The following CSMD2 variants were observed in gnomAD, a reference collection of about 807,000 sequenced individuals.
The protein encoded by CSMD2 is CUB and sushi domain-containing protein 2.
Under a neutral mutation model 398.5 loss-of-function variants are expected in CSMD2, and 130 were observed. The observed-to-expected ratio is 0.33, with a 90% CI of 0.28 to 0.38. The LOEUF (loss-of-function observed/expected upper bound fraction) is 0.38, where lower values mean the gene tolerates loss of function less well. Ranked by LOEUF, CSMD2 falls within the 10% of genes least tolerant of loss-of-function variation. The pLI, the probability that CSMD2 is intolerant of heterozygous loss-of-function variation, is 1.00. For missense variants in CSMD2, 3,829 were observed against 4,764.9 expected (o/e 0.80, Z 5.78); for synonymous variants, 1,828 against 1,908.5 (o/e 0.96, Z 1.10).
intron 1 of CSMD2, among the ~76,000 whole-genome samples, chr1:34,130,042 T>C (rs779800993): frequency 1.3e-5 from 2 of 152,238 alleles, no homozygotes; most frequent in Non-Finnish European, 1.5e-5. Flanking sequence ...AAACATTAAT[T>C]ACCACTCATT....
intron 2 of CSMD2, among the ~76,000 whole-genome samples, chr1:34,084,472 C>T (rs1457164520): frequency 1.3e-5 from 2 of 152,166 alleles, no homozygotes; most frequent in African/African-American, 4.8e-5. Flanking sequence ...AATTTTGCAA[C>T]CTACTCATCT....
At chr1:33,793,091 G>T (rs576191613) in intron 10 of CSMD2, among the ~76,000 whole-genome samples, 1 of 152,316 alleles carries the variant, frequency 6.6e-6, no homozygotes, top group East Asian at 1.9e-4. Context: ...CTGGGCGGTG[G>T]GTTTCCACAG....
At position 33,600,895 on chromosome 1, in the gene CSMD2, T is replaced by G. The variant is rs767222756; in HGVS notation, c.6826A>C (p.Thr2276Pro). Residue 2276 changes from threonine (T) to proline (P), a missense_variant, in exon 44 of 71, where the codon ACA (threonine) becomes CCA (proline). By Grantham distance (38) the Thr-to-Pro change is conservative. This residue lies in a region of CSMD2 where 723 missense variants were observed against 758.6 expected (regional missense o/e 0.95). Transcript: ENST00000373381. ...VLLKFHRDAA[T>P]GGIFAIAFSA... is the part of the protein sequence containing the mutation. ...AAAGCTATGGCGAAGATCCCCCCTG[T>G]GGCTGCATCACGGTGGAACTTGAGC... 6.2e-7 allele frequency: 1 copy of G among 1,614,124 alleles called. No homozygotes were observed. Among genetic ancestry groups the G allele is most frequent in the South Asian group, 1.1e-5 (1 of 91,066 alleles).
chr1:33,823,460 C>T (rs1658408981), intron 7 of CSMD2, among the ~76,000 whole-genome samples: 1 of 151,614 alleles, frequency 6.6e-6, no homozygotes, highest in African/African-American at 2.4e-5. Context: ...TACAGCATTG[C>T]TTTCCTGTTG....
chr1:33,573,569 C>A (rs1396212980), intron 49 of CSMD2, among the ~76,000 whole-genome samples: 1 of 149,882 alleles, frequency 6.7e-6, no homozygotes, highest in African/African-American at 2.4e-5. Flanking sequence ...AATATGATTG[C>A]CGAAATAAGC....
intron 1 of CSMD2, among the ~76,000 whole-genome samples, chr1:34,107,648 A>G (rs1181931698): frequency 6.6e-6 from 1 of 152,188 alleles, no homozygotes; most frequent in African/African-American, 2.4e-5. Context: ...GGGTGGATGG[A>G]TGAAGGATGG....
At chr1:33,680,991 C>T (rs1391440296) in intron 25 of CSMD2, among the ~76,000 whole-genome samples, 2 of 117,760 alleles carry the variant, frequency 1.7e-5, no homozygotes, top group African/African-American at 6.6e-5. Flanking sequence ...GTGGCATGAT[C>T]TAAGCCCACT....
At chr1:33,747,544 T>C (rs977084129) in intron 13 of CSMD2, among the ~76,000 whole-genome samples, 4 of 152,126 alleles carry the variant, frequency 2.6e-5, no homozygotes, top group Admixed American at 6.5e-5. Flanking sequence ...AGCAAAGTAG[T>C]TCAGGGAGGA....
chr1:33,907,855 G>A (rs1392616519), intron 5 of CSMD2, among the ~76,000 whole-genome samples: 4 of 152,064 alleles, frequency 2.6e-5, no homozygotes, highest in East Asian at 3.9e-4. Flanking sequence ...ACTGGGCTGG[G>A]CGTGGTGGCT....
chr1:33,517,424 G>A (rs1653865196), intron 70 of CSMD2, among the ~76,000 whole-genome samples: 1 of 152,238 alleles, frequency 6.6e-6, no homozygotes, highest in Non-Finnish European at 1.5e-5. Flanking sequence ...TGGAGCAAGA[G>A]TGACTGTGTG....
Position 33,647,548 on chromosome 1 carries a change from A to G in CSMD2, c.4587-713T>C, listed in dbSNP as rs576829660. On this transcript the variant is annotated intron_variant, in intron 28 of 70. Transcript: ENST00000373381. ...ACGAAAAAATTATGCATGGAGTTCA[A>G]AAGTTTTTTGCACCAAAATAAACTC... Among the ~76,000 whole-genome samples the G allele has an allele frequency of 8.5e-5, 13 of 152,368 alleles. No homozygotes were observed. In the South Asian group the frequency reaches 2.7e-3, roughly 32 times the overall value.
intron 2 of CSMD2, among the ~76,000 whole-genome samples, chr1:34,078,185 C>A (rs1266169149): frequency 4.0e-5 from 6 of 151,490 alleles, no homozygotes; most frequent in African/African-American, 1.2e-4. Flanking sequence ...GTGATGCAGG[C>A]AGAGAAAAAT....
At chr1:33,517,374 T>C (rs1653858988) in intron 70 of CSMD2, among the ~76,000 whole-genome samples, 1 of 152,110 alleles carries the variant, frequency 6.6e-6, no homozygotes, top group African/African-American at 2.4e-5. Flanking sequence ...GGTGACAGCA[T>C]GGCGCACACC....
chr1:33,548,068 G>T (rs145988340), intron 56 of CSMD2, among the ~76,000 whole-genome samples: 6 of 152,164 alleles, frequency 3.9e-5, no homozygotes, highest in Admixed American at 3.9e-4. Flanking sequence ...CCTGACAGCC[G>T]TGTGAAGATG....
At chr1:33,692,808 G>T in intron 25 of CSMD2, 122 bp downstream of exon 25, 3 of 1,238,758 alleles carry the variant, frequency 2.4e-6, no homozygotes, top group South Asian at 1.3e-5. Context: ...AACCACTATT[G>T]ATCACAAGGT....
intron 5 of CSMD2, among the ~76,000 whole-genome samples, chr1:33,910,887 C>A (rs1464434991): frequency 6.6e-6 from 1 of 152,212 alleles, no homozygotes; most frequent in Admixed American, 6.5e-5. Flanking sequence ...CCAGCACATT[C>A]CCTTTGTAGC....
intron 60 of CSMD2, among the ~76,000 whole-genome samples, chr1:33,540,314 T>C (rs183335113): frequency 6.6e-6 from 1 of 152,110 alleles, no homozygotes; most frequent in East Asian, 1.9e-4. Context: ...TCTGTTACCA[T>C]AGACAGTATC....
At chr1:33,863,427 C>T (rs547740582) in intron 5 of CSMD2, 1 of 152,270 alleles carries the variant, frequency 6.6e-6, no homozygotes, top group South Asian at 2.1e-4. Flanking sequence ...TCATGAACTC[C>T]AGTGTTAATT....
intron 2 of CSMD2, among the ~76,000 whole-genome samples, chr1:34,035,677 A>G (rs1350821965): frequency 6.6e-6 from 1 of 151,926 alleles, no homozygotes; most frequent in East Asian, 1.9e-4. Flanking sequence ...TTAAACGAAA[A>G]AAAAAAATTC....
Sources: allele counts gnomAD v4.1 joint callset (sites outside exome capture counted in the v4.1 genomes callset), GRCh38; gene constraint gnomAD v4.1.1; regional missense constraint gnomAD v4.1.1; transcripts MANE v1.5; gene names NCBI Gene and HGNC (gene_info 2026-07-23, HGNC 2026-07-21).